The following DAP variants were observed in gnomAD, a reference collection of about 807,000 sequenced individuals.
The protein encoded by DAP is death-associated protein 1.
A neutral mutation model predicts 13.8 loss-of-function variants in DAP; 8 were observed. That is an observed-to-expected ratio of 0.58 (90% confidence interval 0.34 to 1.05). The LOEUF (loss-of-function observed/expected upper bound fraction) is 1.05, where lower values mean the gene tolerates loss of function less well. Ranked by LOEUF, DAP falls within the 50% of genes least tolerant of loss-of-function variation. The pLI is 0.03. For missense variants in DAP, 106 were observed against 133.2 expected (o/e 0.80, Z 1.01); for synonymous variants, 47 against 47.5 (o/e 0.99, Z 0.04).
chr5:10,722,545 T>TATACATATACATGCATATATATACATAC (rs1739172386), intron 2 of DAP, among the ~76,000 whole-genome samples: 1 of 147,996 alleles, frequency 6.8e-6, no homozygotes, highest in Non-Finnish European at 1.5e-5. Flanking sequence ...TATATACATA[T>TATACATATACATGCATATATATACATAC]ATACATATAC....
rs776914751 is a variant in DAP, at chr5:10,728,827, C to T, written c.152+19348G>A. On this transcript the variant is annotated intron_variant, in intron 2 of 3. Transcript: ENST00000230895. ...TGTGAATGAATTGGGGGGAGAGATGCGGAGAGGAAGAGGCAGGGGGAGAGG... is the reference window on the plus strand; with the variant it reads ...TGTGAATGAATTGGGGGGAGAGATGTGGAGAGGAAGAGGCAGGGGGAGAGG... Among the ~76,000 whole-genome samples, 4 of 152,106 alleles carry T rather than the reference C, an allele frequency of 2.6e-5. No homozygotes were observed. The East Asian group carries it at 7.7e-4, about 29-fold the overall frequency.
chr5:10,689,602 C>T (rs772082195), intron 2 of DAP, among the ~76,000 whole-genome samples: 1 of 152,192 alleles, frequency 6.6e-6, no homozygotes, highest in Non-Finnish European at 1.5e-5. Flanking sequence ...CTAGGCTCAG[C>T]ATAAGAAATG....
intron 2 of DAP, among the ~76,000 whole-genome samples, chr5:10,719,091 A>G (rs747087773): frequency 4.6e-5 from 7 of 152,250 alleles, no homozygotes; most frequent in Non-Finnish European, 1.0e-4. Flanking sequence ...CTAAGGGTCC[A>G]GTGGTGTACA....
intron 1 of DAP, among the ~76,000 whole-genome samples, chr5:10,750,979 TCA>T (rs1391145438): frequency 6.6e-6 from 1 of 152,216 alleles, no homozygotes; most frequent in Non-Finnish European, 1.5e-5. Flanking sequence ...CGAACTGAAC[TCA>T]TGTAAAAGCA....
At chr5:10,689,713 T>G (rs1043760859) in intron 2 of DAP, among the ~76,000 whole-genome samples, 1 of 152,256 alleles carries the variant, frequency 6.6e-6, no homozygotes, top group East Asian at 1.9e-4. Context: ...CTATACAAAG[T>G]GGCTAGTCAT....
chr5:10,681,926 T>TA (rs1413645846), intron 3 of DAP, among the ~76,000 whole-genome samples: 2 of 144,170 alleles, frequency 1.4e-5, no homozygotes, highest in African/African-American at 2.6e-5. Flanking sequence ...AGCATGGCGG[T>TA]TGTATATGAG....
intron 2 of DAP, among the ~76,000 whole-genome samples, chr5:10,712,589 T>C (rs533398162): frequency 7.9e-5 from 12 of 152,002 alleles, no homozygotes; most frequent in African/African-American, 1.2e-4. Context: ...AAGGTAGACA[T>C]TGATGTCTGT....
intron 2 of DAP, among the ~76,000 whole-genome samples, chr5:10,724,895 T>A (rs1475445418): frequency 6.6e-6 from 1 of 151,134 alleles, no homozygotes; most frequent in Non-Finnish European, 1.5e-5. Context: ...CGCCAGGGGG[T>A]GTAGCTCTCT....
At chr5:10,709,313 T>C (rs959564111) in intron 2 of DAP, among the ~76,000 whole-genome samples, 3 of 152,176 alleles carry the variant, frequency 2.0e-5, no homozygotes, top group African/African-American at 7.2e-5. Flanking sequence ...GGAAAGAAGA[T>C]GAATAAAAGT....
chr5:10,721,766 T>C (rs1036137865), intron 2 of DAP, among the ~76,000 whole-genome samples: 2 of 152,244 alleles, frequency 1.3e-5, no homozygotes, highest in Non-Finnish European at 2.9e-5. Flanking sequence ...GCTACGACCA[T>C]GTGACCAGTT....
rs146043031 is a variant in DAP at position 10,683,629 on chromosome 5, G to A, written c.153-58C>T. 4,068 of 1,544,270 alleles carry A rather than the reference G, an allele frequency of 2.6e-3. 40 individuals are homozygous for A. Among genetic ancestry groups the A allele is most frequent in the Non-Finnish European group, 1.5e-3 (1,702 of 1,117,068 alleles). ...CAAAACAGTCCACAACAGGGAACAC[G>A]GTGGCAGACGATGTGTATGTGGATG... On this transcript the variant is annotated intron_variant, in intron 2 of 3. Coordinates refer to ENST00000230895, the MANE Select transcript of DAP (RefSeq NM_004394.3).
intron 2 of DAP, among the ~76,000 whole-genome samples, chr5:10,736,579 C>T (rs575832961): frequency 2.3e-4 from 35 of 152,308 alleles, no homozygotes; most frequent in African/African-American, 8.2e-4. Context: ...AACTTTCTGC[C>T]GCCCAAGTTG....
chr5:10,733,196 G>GTGTGTA (rs1554002006), intron 2 of DAP, among the ~76,000 whole-genome samples: 12 of 122,810 alleles, frequency 9.8e-5, no homozygotes, highest in African/African-American at 3.6e-4. Context: ...GTGTGTGTGT[G>GTGTGTA]TGTGTGTGTG....
At chr5:10,686,643 AAG>A (rs1396549236) in intron 2 of DAP, among the ~76,000 whole-genome samples, 1 of 152,222 alleles carries the variant, frequency 6.6e-6, no homozygotes, top group Non-Finnish European at 1.5e-5. Context: ...TATGAAGGCT[AAG>A]AGAGGTGAGG....
intron 2 of DAP, among the ~76,000 whole-genome samples, chr5:10,704,273 T>C (rs1738648215): frequency 1.3e-5 from 2 of 152,206 alleles, no homozygotes; most frequent in East Asian, 1.9e-4. Flanking sequence ...TACAGCAAAA[T>C]GTATGGATAT....
chr5:10,681,316 C>A (rs1737989535), intron 3 of DAP, 147 bp from the exon 4 acceptor site: 1 of 649,588 alleles, frequency 1.5e-6, no homozygotes, highest in African/African-American at 1.9e-5. Context: ...CCACCAGCGT[C>A]CCTGTAGGAA....
chr5:10,711,989 T>TG (rs1226490986), intron 2 of DAP, among the ~76,000 whole-genome samples: 1 of 152,132 alleles, frequency 6.6e-6, no homozygotes, highest in Admixed American at 6.5e-5. Flanking sequence ...CAGCAACACA[T>TG]TCCTATGTTG....
intron 2 of DAP, among the ~76,000 whole-genome samples, chr5:10,696,105 T>C (rs1738432913): frequency 6.6e-6 from 1 of 152,160 alleles, no homozygotes; most frequent in South Asian, 2.1e-4. Context: ...CGTGTGGATC[T>C]TCCCTCCCCC....
intron 2 of DAP, among the ~76,000 whole-genome samples, chr5:10,698,812 T>C (rs1486430826): frequency 6.6e-6 from 1 of 152,214 alleles, no homozygotes; most frequent in Non-Finnish European, 1.5e-5. Flanking sequence ...GTGAACAGTT[T>C]GCAAACCAGG....
Sources: gnomAD v4.1 joint callset for allele counts (sites outside exome capture counted in the v4.1 genomes callset) on GRCh38, gnomAD v4.1.1 for gene constraint, MANE v1.5 for transcripts, NCBI Gene and HGNC (gene_info 2026-07-23, HGNC 2026-07-21) for gene names.